UMAD1: variants seen among roughly 807,000 people sequenced by gnomAD.
UMAD1 encodes the protein UBAP1-MVB12-associated (UMA) domain containing 1.
Under a neutral mutation model 6.1 loss-of-function variants are expected in UMAD1, and 8 were observed. The ratio of observed to expected loss-of-function variants is 1.30; its 90% CI spans 0.76 to 2.35. The LOEUF (loss-of-function observed/expected upper bound fraction) is 2.35, where lower values mean the gene tolerates loss of function less well. Ranked by LOEUF, UMAD1 falls within the 30% of genes most tolerant of loss-of-function variation. UMAD1 has a pLI of 0.00. For missense variants in UMAD1, 130 were observed against 78.4 expected, an observed-to-expected ratio of 1.66 and a Z score of -2.49; for synonymous variants, 56 against 31.4, an observed-to-expected ratio of 1.78 and a Z score of -2.61.
chr7:7,730,162 G>C (rs775784791), intron 2 of UMAD1, among the ~76,000 whole-genome samples: 3 of 152,190 alleles, frequency 2.0e-5, no homozygotes, highest in Non-Finnish European at 4.4e-5. Flanking sequence ...TATGTGAGCT[G>C]TCAGCTCTCT....
intron 3 of UMAD1, among the ~76,000 whole-genome samples, chr7:7,872,105 A>T (rs547177708): frequency 5.3e-5 from 8 of 152,076 alleles, no homozygotes; most frequent in African/African-American, 1.4e-4. Flanking sequence ...TAAAAAATAA[A>T]AAAAAAAAGA....
chr7:7,679,711 A>C (rs868703338), intron 2 of UMAD1, among the ~76,000 whole-genome samples: 1 of 128,468 alleles, frequency 7.8e-6, no homozygotes, highest in Non-Finnish European at 1.6e-5. Flanking sequence ...TTTATAGATA[A>C]ATATATATAT....
intron 2 of UMAD1, among the ~76,000 whole-genome samples, chr7:7,794,058 C>T (rs866645550): frequency 1.3e-5 from 2 of 152,050 alleles, no homozygotes; most frequent in African/African-American, 2.4e-5. Flanking sequence ...TATTTTTGAC[C>T]ATAGAAATAT....
intron 3 of UMAD1, among the ~76,000 whole-genome samples, chr7:7,872,322 A>G (rs934603464): frequency 3.9e-5 from 6 of 152,204 alleles, no homozygotes; most frequent in Non-Finnish European, 8.8e-5. Context: ...GTCTAAACAA[A>G]TGTACATGTC....
At chr7:7,822,764 T>C (rs1232600557) in intron 3 of UMAD1, among the ~76,000 whole-genome samples, 2 of 152,154 alleles carry the variant, frequency 1.3e-5, no homozygotes, top group Non-Finnish European at 2.9e-5. Context: ...GATGCCCCTG[T>C]CATTCTCTTT....
At chr7:7,797,083 A>G (rs939157784) in intron 2 of UMAD1, among the ~76,000 whole-genome samples, 3 of 152,206 alleles carry the variant, frequency 2.0e-5, no homozygotes, top group African/African-American at 7.2e-5. Context: ...TACAGGAAGC[A>G]TGATGCTGGC....
intron 3 of UMAD1, among the ~76,000 whole-genome samples, chr7:7,864,042 A>T (rs4469370): frequency 0.42 from 64,297 of 152,114 alleles, 14,483 homozygotes; most frequent in African/African-American, 0.54. Context: ...GAATTTCCTG[A>T]GTAATAGGGG....
intron 3 of UMAD1, among the ~76,000 whole-genome samples, chr7:7,874,932 T>G (rs1422597335): frequency 6.6e-6 from 1 of 152,082 alleles, no homozygotes; most frequent in Non-Finnish European, 1.5e-5. Context: ...AGTTACACCC[T>G]TATGAAGTAT....
At chr7:7,860,729 T>C (rs7784704) in intron 3 of UMAD1, among the ~76,000 whole-genome samples, 102,758 of 148,784 alleles carry the variant, frequency 0.69, 36,330 homozygotes, top group Middle Eastern at 0.75. Context: ...GAGCCAAGAT[T>C]GCACCACTGC....
chr7:7,678,429 TTATTTAATATA>T (rs1419629358), intron 2 of UMAD1, among the ~76,000 whole-genome samples: 3 of 144,082 alleles, frequency 2.1e-5, no homozygotes, highest in African/African-American at 7.6e-5. Flanking sequence ...TATTTATATA[TTATTTAATATA>T]TATTTAATTT....
At chr7:7,654,909 A>AC (rs1785305971) in intron 1 of UMAD1, among the ~76,000 whole-genome samples, 1 of 151,686 alleles carries the variant, frequency 6.6e-6, no homozygotes, top group Admixed American at 6.6e-5. Context: ...TCTCAAAAAA[A>AC]AAAAAAAAAT....
intron 2 of UMAD1, chr7:7,738,595 T>G (rs1427991524): frequency 6.6e-6 from 1 of 152,282 alleles, no homozygotes; most frequent in Non-Finnish European, 1.5e-5. Flanking sequence ...ATTTTTTGCT[T>G]TAGCTTTACA....
intron 3 of UMAD1, among the ~76,000 whole-genome samples, chr7:7,803,168 C>G (rs1049856619): frequency 1.5e-4 from 23 of 152,318 alleles, no homozygotes; most frequent in African/African-American, 5.1e-4. Flanking sequence ...AACTTGATCT[C>G]TTTCATTTAT....
Position 7,830,574 on chromosome 7 carries a change from GCCAA to G in UMAD1, c.156+28833_156+28836del, listed in dbSNP as rs1037318206. On this transcript the variant is annotated intron_variant, in intron 3 of 3. Coordinates refer to ENST00000682710, the MANE Select transcript of UMAD1 (RefSeq NM_001302348.2). The surrounding 1 kb of genome is among the most constrained non-coding windows in gnomAD (Gnocchi z 5.3). The stretch of plus-strand genomic sequence containing the variant: ...TGCTCTGGGTGCCCAAAAACTGTGA[GCCAA>G]CTTCAAAGTGTGGAAACCACAGTCA... Among the ~76,000 whole-genome samples, 1 of 151,910 alleles carries G rather than the reference GCCAA, an allele frequency of 6.6e-6. No homozygotes were observed. Among genetic ancestry groups the G allele is most frequent in the Admixed American group, 6.6e-5 (1 of 15,232 alleles).
chr7:7,853,346 A>G (rs1783954710), intron 3 of UMAD1, among the ~76,000 whole-genome samples: 1 of 152,126 alleles, frequency 6.6e-6, no homozygotes, highest in South Asian at 2.1e-4. Context: ...ACTTTTTTAC[A>G]ATGAAATCAG....
chr7:7,722,828 C>T (rs1781074611), intron 2 of UMAD1, among the ~76,000 whole-genome samples: 1 of 152,204 alleles, frequency 6.6e-6, no homozygotes, highest in African/African-American at 2.4e-5. Context: ...AAGAATGGGA[C>T]CCTGCAACTT....
chr7:7,714,964 C>A (rs762826299), intron 2 of UMAD1, among the ~76,000 whole-genome samples: 30 of 146,674 alleles, frequency 2.0e-4, no homozygotes, highest in African/African-American at 3.8e-4. Context: ...ACAACAACAA[C>A]AAAAAACTAC....
chr7:7,773,572 A>C (rs1782143040), intron 2 of UMAD1, among the ~76,000 whole-genome samples: 1 of 152,206 alleles, frequency 6.6e-6, no homozygotes, highest in Non-Finnish European at 1.5e-5. Context: ...AAAAAACACA[A>C]TAACAAAACC....
chr7:7,694,548 C>T (rs1370133184), intron 2 of UMAD1, among the ~76,000 whole-genome samples: 2 of 151,972 alleles, frequency 1.3e-5, no homozygotes, highest in Non-Finnish European at 2.9e-5. Flanking sequence ...ACTGTCCTTC[C>T]CAGACTCTGG....
Sources: allele counts gnomAD v4.1 joint callset (sites outside exome capture counted in the v4.1 genomes callset), GRCh38; gene constraint gnomAD v4.1.1; non-coding constraint Gnocchi (gnomAD v3.1); transcripts MANE v1.5; gene names NCBI Gene and HGNC (gene_info 2026-07-23, HGNC 2026-07-21).